Variants in MELK observed in about 807,000 individuals in gnomAD.
The protein encoded by MELK is maternal embryonic leucine zipper kinase.
A neutral mutation model predicts 85.0 loss-of-function variants in MELK; 81 were observed. That is an observed-to-expected ratio of 0.95 (90% CI 0.80 to 1.15). The LOEUF (loss-of-function observed/expected upper bound fraction) is 1.15, where lower values mean the gene tolerates loss of function less well. Ranked by LOEUF, MELK falls within the 50% of genes most tolerant of loss-of-function variation. The pLI is 0.00. For missense variants in MELK, 754 were observed against 777.5 expected, an observed-to-expected ratio of 0.97 and a Z score of 0.36; for synonymous variants, 252 against 265.0, an observed-to-expected ratio of 0.95 and a Z score of 0.48.
intron 10 of MELK, among the ~76,000 whole-genome samples, chr9:36,640,650 G>A (rs1165976994): frequency 6.6e-6 from 1 of 152,022 alleles, no homozygotes; most frequent in African/African-American, 2.4e-5. Flanking sequence ...GAGTCTTGCT[G>A]TATTGCCCAG....
At chr9:36,615,643 C>T (rs1407907151) in intron 8 of MELK, among the ~76,000 whole-genome samples, 3 of 132,944 alleles carry the variant, frequency 2.3e-5, no homozygotes, top group East Asian at 2.2e-4. Flanking sequence ...TCAGACGGGG[C>T]GGCCGGGCAG....
intron 10 of MELK, among the ~76,000 whole-genome samples, chr9:36,635,503 G>A (rs1239681363): frequency 6.6e-6 from 1 of 151,568 alleles, no homozygotes; most frequent in Non-Finnish European, 1.5e-5. Flanking sequence ...ACCTCAGGTG[G>A]TCCGCCTGCC....
intron 5 of MELK, among the ~76,000 whole-genome samples, chr9:36,595,405 G>C (rs1404111425): frequency 1.3e-5 from 2 of 151,956 alleles, no homozygotes; most frequent in Non-Finnish European, 2.9e-5. Flanking sequence ...CAAATTGCTG[G>C]GATTACAGGT....
chr9:36,589,600 G>A lies in MELK; in HGVS notation c.209G>A (p.Cys70Tyr). ...AAGAACCTGAGACATCAGCATATATGTCAACTCTACCATGTGCTAGAGACA... is the reference window on the plus strand; with the variant it reads ...AAGAACCTGAGACATCAGCATATATATCAACTCTACCATGTGCTAGAGACA... ...ALKNLRHQHICQLYHVLETAN... is the reference protein window; with the variant it reads ...ALKNLRHQHIYQLYHVLETAN... Residue 70 changes from cysteine (C) to tyrosine (Y), a missense_variant, in exon 4 of 18, where the codon TGT becomes TAT. Cys to Tyr is a radical substitution (Grantham distance 194). Transcript: ENST00000298048. The A allele has an allele frequency of 6.2e-7, 1 of 1,614,090 alleles. No individual in the cohort carries two copies. Among genetic ancestry groups the A allele is most frequent in the East Asian group, 2.2e-5 (1 of 44,884 alleles).
In MELK at chr9:36,671,034, T is replaced by G; in HGVS notation, c.1542T>G (p.His514Gln). The G allele has an allele frequency of 5.6e-6, 9 of 1,613,374 alleles. No individual in the cohort carries two copies. Among genetic ancestry groups the G allele is most frequent in the Non-Finnish European group, 7.6e-6 (9 of 1,179,674 alleles). The change falls in exon 16 of 18, where the codon CAT becomes CAG. Residue 514 changes from histidine to glutamine, a missense_variant. Physicochemically the swap from His to Gln is conservative, Grantham distance 24. Coordinates refer to ENST00000298048, the MANE Select transcript of MELK (RefSeq NM_014791.4). ...TGGAATTGGATCTCAACCAAGCACA[T>G]ATGGAGGAGACTCCAAAAAGAAAGG... Reference protein sequence around the residue: ...RSVELDLNQAHMEETPKRKGA... With the variant: ...RSVELDLNQAQMEETPKRKGA...
intron 2 of MELK, among the ~76,000 whole-genome samples, chr9:36,582,255 A>G (rs945936662): frequency 1.3e-5 from 2 of 152,094 alleles, no homozygotes; most frequent in Non-Finnish European, 2.9e-5. Context: ...GGCATGAGCC[A>G]CCGCGCCCAG....
chr9:36,631,720 A>G (rs754490131), intron 9 of MELK, among the ~76,000 whole-genome samples: 1 of 151,926 alleles, frequency 6.6e-6, no homozygotes, highest in African/African-American at 2.4e-5. Flanking sequence ...GACCACTGGT[A>G]TACACCACCA....
intron 7 of MELK, among the ~76,000 whole-genome samples, chr9:36,603,139 G>C (rs957033483): frequency 1.3e-5 from 2 of 152,106 alleles, no homozygotes; most frequent in South Asian, 2.1e-4. Flanking sequence ...TCTTGTCCGT[G>C]TTAGTTCAAC....
rs182440001 is a variant in MELK, at chr9:36,581,669, T to G, written c.-13T>G. 1.8e-5 allele frequency: 28 copies of G among 1,562,164 alleles called. No homozygotes were observed. The East Asian group carries it at 5.6e-4, about 31-fold the overall frequency. ...GTTCTTTTTCTAATTCCAAATAAACTTGCAAGAGGACTATGAAAGATTATG... is the reference window on the plus strand; with the variant it reads ...GTTCTTTTTCTAATTCCAAATAAACGTGCAAGAGGACTATGAAAGATTATG... On this transcript the variant is annotated 5_prime_UTR_variant, in exon 2 of 18. Transcript: ENST00000298048.
chr9:36,606,654 T>C (rs1564152206), intron 7 of MELK, among the ~76,000 whole-genome samples: 1 of 141,122 alleles, frequency 7.1e-6, no homozygotes, highest in African/African-American at 2.8e-5. Context: ...TATGGACACA[T>C]ATGTATATGT....
rs768566634 is a variant in MELK, at chr9:36,603,991, C to T, written c.568-3584C>T. ...TTGTTTGTTTGTTTGTTTTTTGAGA[C>T]GGAGTTTCGCTCTTGTTGCCCAGGC... On this transcript the variant is annotated intron_variant, in intron 7 of 17. Transcript: ENST00000298048. Among the ~76,000 whole-genome samples, 13 of 151,958 alleles carry T rather than the reference C, an allele frequency of 8.6e-5. No homozygotes were observed. In the East Asian group the frequency reaches 9.7e-4, roughly 11 times the overall value.
chr9:36,666,184 C>A (rs1315367835), intron 14 of MELK, among the ~76,000 whole-genome samples: 2 of 152,178 alleles, frequency 1.3e-5, no homozygotes, highest in African/African-American at 4.8e-5. Context: ...GTTATTTAAA[C>A]CATTTCCTTT....
At chr9:36,581,571 TTTGCA>T in intron 1 of MELK, 68 bp from the exon 2 acceptor site, 1 of 774,166 alleles carries the variant, frequency 1.3e-6, no homozygotes, top group Non-Finnish European at 2.2e-6. Context: ...CTTATTTAGA[TTTGCA>T]GTTACAAGAA....
chr9:36,628,986 C>T (rs1268509854), intron 8 of MELK, among the ~76,000 whole-genome samples: 3 of 151,630 alleles, frequency 2.0e-5, no homozygotes, highest in African/African-American at 4.9e-5. Flanking sequence ...CCTGCCTCAG[C>T]CTCCCTAGTA....
At chr9:36,606,646 T>C (rs1265990357) in intron 7 of MELK, among the ~76,000 whole-genome samples, 3 of 146,690 alleles carry the variant, frequency 2.0e-5, no homozygotes, top group Admixed American at 6.9e-5. Flanking sequence ...TATGTATATA[T>C]GGACACATAT....
At chr9:36,635,986 G>A (rs752243842) in intron 10 of MELK, among the ~76,000 whole-genome samples, 2 of 151,278 alleles carry the variant, frequency 1.3e-5, no homozygotes, top group African/African-American at 2.4e-5. Flanking sequence ...TAGTAGAGAC[G>A]GGGTTTCACT....
At chr9:36,650,422 G>A (rs1157010138) in intron 11 of MELK, among the ~76,000 whole-genome samples, 1 of 152,090 alleles carries the variant, frequency 6.6e-6, no homozygotes, top group Non-Finnish European at 1.5e-5. Context: ...GATTCAGGAA[G>A]TTTTCAAAGA....
At chr9:36,672,956 T>G (rs1457398110) in intron 16 of MELK, among the ~76,000 whole-genome samples, 1 of 152,202 alleles carries the variant, frequency 6.6e-6, no homozygotes, top group Non-Finnish European at 1.5e-5. Flanking sequence ...CTTTGGGAAA[T>G]TAACCTTATT....
chr9:36,615,800 G>T (rs10972998), intron 8 of MELK, among the ~76,000 whole-genome samples: 30,285 of 146,036 alleles, frequency 0.21, 4,762 homozygotes, highest in African/African-American at 0.48. Context: ...ATGTGATGGC[G>T]GCTGGGAAGA....
Sources: allele counts gnomAD v4.1 joint callset (sites outside exome capture counted in the v4.1 genomes callset), GRCh38; gene constraint gnomAD v4.1.1; transcripts MANE v1.5; gene names NCBI Gene and HGNC (gene_info 2026-07-23, HGNC 2026-07-21).